Variants in BCAT1 observed in about 807,000 individuals in gnomAD.
The protein encoded by BCAT1 is branched-chain-amino-acid aminotransferase, cytosolic.
In BCAT1, 48 loss-of-function variants were observed where a neutral mutation model predicts 52.4. The observed-to-expected ratio is 0.92, with a 90% CI of 0.73 to 1.16. The LOEUF (loss-of-function observed/expected upper bound fraction) is 1.16, where lower values mean the gene tolerates loss of function less well. BCAT1 is among the 50% of genes most tolerant of loss of function. The probability of loss-of-function intolerance (pLI) is 0.00; values close to 1 mark genes in which losing one functional copy is unlikely to be tolerated. For missense variants in BCAT1, 451 were observed against 457.1 expected (o/e 0.99, Z 0.12); for synonymous variants, 167 against 161.3 (o/e 1.04, Z -0.27).
chr12:24,902,207 T>C, intron 1 of BCAT1: 2 of 1,427,156 alleles, frequency 1.4e-6, no homozygotes, highest in African/African-American at 1.4e-5. Flanking sequence ...ATTGTCTCCC[T>C]TATATCCGAG....
intron 6 of BCAT1, among the ~76,000 whole-genome samples, chr12:24,845,936 C>T (rs551088701): frequency 3.9e-5 from 6 of 152,204 alleles, no homozygotes; most frequent in Admixed American, 6.5e-5. Context: ...TTTTCTCATT[C>T]GTAGACACAA....
intron 3 of BCAT1, among the ~76,000 whole-genome samples, chr12:24,888,645 A>G (rs1942749552): frequency 6.6e-6 from 1 of 152,226 alleles, no homozygotes; most frequent in Non-Finnish European, 1.5e-5. Context: ...AATGAAATGA[A>G]TATGATTAGT....
chr12:24,903,202 C>T (rs1440319655), intron 1 of BCAT1: 1 of 1,083,948 alleles, frequency 9.2e-7, no homozygotes, highest in Non-Finnish European at 1.2e-6. Flanking sequence ...TCGTCCCAGT[C>T]TGTCTGCAGT....
At chr12:24,864,648 A>G (rs1941951524) in intron 5 of BCAT1, among the ~76,000 whole-genome samples, 1 of 151,362 alleles carries the variant, frequency 6.6e-6, no homozygotes, top group African/African-American at 2.5e-5. Flanking sequence ...ATGCCATAAT[A>G]TCTCCCAACT....
chr12:24,906,069 G>A (rs1943221096), intron 1 of BCAT1, among the ~76,000 whole-genome samples: 1 of 151,674 alleles, frequency 6.6e-6, no homozygotes, highest in African/African-American at 2.4e-5. Flanking sequence ...TGTGCCTGTA[G>A]TCCCAGCTAC....
rs1939874781 is a variant in BCAT1, at chr12:24,816,340, A to AC, written c.*1667dup. On this transcript the variant is annotated 3_prime_UTR_variant, in exon 11 of 11. Coordinates refer to ENST00000261192, the MANE Select transcript of BCAT1 (RefSeq NM_005504.7). ...GTTCAGCAAGAAGGAAGTTATGAGG[A>AC]CTGAGGGAAACCAAAATACAATGTC... 7.6e-6 allele frequency: 3 copies of AC among 395,104 alleles called. No homozygotes were observed. The highest frequency in any genetic ancestry group is 6.2e-5 in the African/African-American group (3 of 48,614). The allele number at this position is 395,104 out of a possible 1,614,324, so 24.5% of individuals were successfully genotyped here. A position where few individuals can be genotyped will look rare whatever the true frequency, so the allele number is the denominator to read the frequency against.
At chr12:24,913,525 A>G (rs562249645) in intron 1 of BCAT1, among the ~76,000 whole-genome samples, 1 of 152,316 alleles carries the variant, frequency 6.6e-6, no homozygotes, top group South Asian at 2.1e-4. Flanking sequence ...CAGGGTTGCC[A>G]TCCAACAGGC....
intron 2 of BCAT1, among the ~76,000 whole-genome samples, chr12:24,898,520 CTTTTTTTTTTTTTT>C (rs71448094): frequency 2.6e-5 from 1 of 38,536 alleles, no homozygotes; most frequent in African/African-American, 1.1e-4. Flanking sequence ...TCAGTCAACA[CTTTTTTTTTTTTTT>C]TTTTTTTTTT....
intron 7 of BCAT1, among the ~76,000 whole-genome samples, chr12:24,838,960 T>A (rs1442832109): frequency 1.3e-5 from 2 of 152,222 alleles, no homozygotes; most frequent in African/African-American, 4.8e-5. Flanking sequence ...TAGGTCTGCA[T>A]AAGTGCCCTA....
intron 4 of BCAT1, among the ~76,000 whole-genome samples, chr12:24,881,014 T>A (rs1441727918): frequency 6.6e-6 from 1 of 152,154 alleles, no homozygotes; most frequent in African/African-American, 2.4e-5. Flanking sequence ...TTTGTATTTT[T>A]TGCAGAGATG....
At chr12:24,913,693 AG>A (rs1353982382) in intron 1 of BCAT1, among the ~76,000 whole-genome samples, 1 of 152,208 alleles carries the variant, frequency 6.6e-6, no homozygotes, top group Non-Finnish European at 1.5e-5. Flanking sequence ...TGGACAAAAA[AG>A]GTATGGTCTA....
At position 24,937,542 on chromosome 12, in the gene BCAT1, G is replaced by C. The variant is rs1036128413; in HGVS notation, c.6+11385C>G. The stretch of plus-strand genomic sequence containing the variant: ...TTTGTTTGCTTGTTTTTGAGATAGG[G>C]TGTCACTCTGTAGCCCAGGCTGGAG... On this transcript the variant is annotated intron_variant, in intron 1 of 10. Transcript: ENST00000261192. Among the ~76,000 whole-genome samples, 16 of 152,224 alleles carry C rather than the reference G, an allele frequency of 1.1e-4. No homozygotes were observed. In the East Asian group the frequency reaches 3.1e-3, roughly 29 times the overall value.
Position 24,849,817 on chromosome 12 carries a change from T to C in BCAT1, c.643A>G (p.Lys215Glu), listed in dbSNP as rs1311926414. ...ATCTTGCAGTCCCCAGTTCCACCTT[T>C]CCAGGCTCTTACATACTTGGGATTG... ...WANPKYVRAW[K>E]GGTGDCKMGG... Residue 215 changes from lysine to glutamate, a missense_variant, in exon 6 of 11, where the codon AAA becomes GAA. Transcript: ENST00000261192. 2.5e-6 allele frequency: 4 copies of C among 1,612,896 alleles called. No individual in the cohort carries two copies. The highest frequency in any genetic ancestry group is 3.3e-5 in the Admixed American group (2 of 59,960).
rs551349899 is a variant in BCAT1, at chr12:24,943,707, G to T, written c.6+5220C>A. Among the ~76,000 whole-genome samples, 69 of 152,172 alleles carry T rather than the reference G, an allele frequency of 4.5e-4. 2 individuals carry two copies. The highest frequency in any genetic ancestry group is 3.3e-4 in the Admixed American group (5 of 15,290). ...TTTTCAGTTAAAGTAGTTTGAGGCC[G>T]GGAGCGGTGGCTCACGCCTGTAATC... On this transcript the variant is annotated intron_variant, in intron 1 of 10. Coordinates refer to ENST00000261192, the MANE Select transcript of BCAT1 (RefSeq NM_005504.7).
rs1192042648 is a variant in BCAT1, at chr12:24,816,478, C to T, written c.*1530G>A. ...GCTCCTAAACAAGGAAAATATCACCCATAGTAGCTCTCCCTGCATCCTAAC... is the reference window on the plus strand; with the variant it reads ...GCTCCTAAACAAGGAAAATATCACCTATAGTAGCTCTCCCTGCATCCTAAC... On this transcript the variant is annotated 3_prime_UTR_variant, in exon 11 of 11. Coordinates refer to ENST00000261192, the MANE Select transcript of BCAT1 (RefSeq NM_005504.7). 5 of 397,554 alleles carry T rather than the reference C, an allele frequency of 1.3e-5. No homozygotes were observed. Among genetic ancestry groups the T allele is most frequent in the Non-Finnish European group, 2.2e-5 (5 of 225,710 alleles). The allele number at this position is 397,554 out of a possible 1,614,324, so 24.6% of individuals were successfully genotyped here.
At chr12:24,829,937 A>C (rs1415403051) in intron 9 of BCAT1, 40 bp from the exon 10 acceptor site, 1 of 1,468,300 alleles carries the variant, frequency 6.8e-7, no homozygotes, top group East Asian at 2.3e-5. Flanking sequence ...GAGGGTACTC[A>C]TGTATATGGT....
At chr12:24,837,432 T>C (rs1049346621) in intron 7 of BCAT1, among the ~76,000 whole-genome samples, 1 of 140,170 alleles carries the variant, frequency 7.1e-6, no homozygotes, top group Non-Finnish European at 1.6e-5. Context: ...CCTTGGAAAG[T>C]CTAATTTTTT....
At chr12:24,889,041 C>G (rs1942764843) in intron 3 of BCAT1, among the ~76,000 whole-genome samples, 1 of 152,216 alleles carries the variant, frequency 6.6e-6, no homozygotes, top group South Asian at 2.1e-4. Flanking sequence ...CATACCTGAT[C>G]AAACCAACCT....
At chr12:24,838,450 T>C (rs888924417) in intron 7 of BCAT1, among the ~76,000 whole-genome samples, 1 of 152,058 alleles carries the variant, frequency 6.6e-6, no homozygotes, top group Non-Finnish European at 1.5e-5. Context: ...TAAACATGTG[T>C]TTTGCAATAG....
Sources: gnomAD v4.1 joint callset for allele counts (sites outside exome capture counted in the v4.1 genomes callset) on GRCh38, gnomAD v4.1.1 for gene constraint, MANE v1.5 for transcripts, NCBI Gene and HGNC (gene_info 2026-07-23, HGNC 2026-07-21) for gene names.